TRPM5: variants seen among roughly 807,000 people sequenced by gnomAD.
TRPM5 encodes transient receptor potential cation channel subfamily M member 5, also known as MLSN1 and TRP-related.
TRPM5 carries 121 observed loss-of-function variants against 124.9 expected under a neutral mutation model. The ratio of observed to expected loss-of-function variants is 0.97; its 90% CI spans 0.84 to 1.13. The LOEUF is 1.13. TRPM5 is among the 50% of genes most tolerant of loss of function. The pLI is 0.00. For missense variants in TRPM5, 1,643 were observed against 1,589.1 expected (o/e 1.03, Z -0.58); for synonymous variants, 781 against 700.5 (o/e 1.11, Z -1.81).
chr11:2,443,090 G>T, the TRPM5 span, among the ~76,000 whole-genome samples: 2 of 152,116 alleles, frequency 1.3e-5, no homozygotes, highest in Non-Finnish European at 2.9e-5. This position sits in a 1 kb window ranked among gnomAD's most constrained non-coding sequence, Gnocchi z 5.0. Context: ...GTCATAGTTG[G>T]AAATGTTTTC....
In TRPM5 at chr11:2,411,773, G is replaced by A. The variant is rs752223337; in HGVS notation, c.2475-6C>T. The A allele has an allele frequency of 3.1e-6, 5 of 1,612,298 alleles. No individual in the cohort carries two copies. The highest frequency in any genetic ancestry group is 1.3e-5 in the African/African-American group (1 of 74,904). ...CAAACGCCGACGGCAGCATCCTGGA[G>A]GATGGGAGGCTGATGCGGCTGCGGG... On this transcript the variant is annotated splice_polypyrimidine_tract_variant and splice_region_variant and intron_variant, in intron 16 of 23. Transcript: ENST00000155858.
chr11:2,418,314 C>T (rs755384505), exon 6 of TRPM5: 6 of 1,567,420 alleles, frequency 3.8e-6, no homozygotes, highest in Non-Finnish European at 4.3e-6. Flanking sequence ...CCGAGCCTAC[C>T]AGGATCAGCC....
chr11:2,420,396 G>C (rs766044067), exon 4 of TRPM5: 1 of 1,609,160 alleles, frequency 6.2e-7, no homozygotes, highest in African/African-American at 1.3e-5. Context: ...TAGTGGACAG[G>C]AAAATCCTCC....
At chr11:2,406,549 T>C (rs1589864903) in intron 21 of TRPM5, 112 bp downstream of exon 26, 3 of 1,406,220 alleles carry the variant, frequency 2.1e-6, no homozygotes, top group Non-Finnish European at 9.7e-7. Context: ...GCCCTGCCCC[T>C]ACCCCTTCAG....
Position 2,414,046 on chromosome 11 carries a change from A to G in TRPM5, c.1890+15T>C. On this transcript the variant is annotated intron_variant, in intron 12 of 23. Transcript: ENST00000155858. Reference sequence around the variant, plus strand: ...CACCCCCTGGCAGCTCTCCTCGAGGACAGCTGGCACTCACCTGAACGCCGT... The same window carrying G: ...CACCCCCTGGCAGCTCTCCTCGAGGGCAGCTGGCACTCACCTGAACGCCGT... The G allele has an allele frequency of 5.6e-6, 5 of 886,618 alleles. No individual in the cohort carries two copies. Among genetic ancestry groups the G allele is most frequent in the Non-Finnish European group, 8.0e-6 (5 of 626,184 alleles). The allele number at this position is 886,618 out of a possible 1,614,324, so 54.9% of individuals were successfully genotyped here. A position where few individuals can be genotyped will look rare whatever the true frequency, so the allele number is the denominator to read the frequency against.
At chr11:2,425,429 T>C (rs546280204), upstream of TRPM5, among the ~76,000 whole-genome samples, 2 of 152,276 alleles carry the variant, frequency 1.3e-5, no homozygotes, top group African/African-American at 4.8e-5. Context: ...CTGCAATCAT[T>C]GATTGCCCAG....
chr11:2,441,984 C>T, the TRPM5 span, among the ~76,000 whole-genome samples: 4 of 152,140 alleles, frequency 2.6e-5, no homozygotes, highest in African/African-American at 4.8e-5. The surrounding 1 kb of genome is among the most constrained non-coding windows in gnomAD (Gnocchi z 7.2). Context: ...CCACTGCATC[C>T]GGCCTAGAAT....
chr11:2,410,848 A>G (rs775810449), intron 18 of TRPM5, among the ~76,000 whole-genome samples: 23 of 152,236 alleles, frequency 1.5e-4, no homozygotes, highest in Middle Eastern at 3.4e-3. Context: ...CCTTGCCAGC[A>G]GGACGGCGTA....
At chr11:2,420,258 C>T in exon 4 of TRPM5, 6 of 1,610,368 alleles carry the variant, frequency 3.7e-6, no homozygotes, top group Middle Eastern at 1.7e-4. Flanking sequence ...ATGTGCTTCT[C>T]CAGCCTCAGC....
At chr11:2,414,782 C>T (rs371681171) in exon 11 of TRPM5, 13 of 1,567,676 alleles carry the variant, frequency 8.3e-6, no homozygotes, top group South Asian at 3.5e-5. Context: ...TCTCCAGGTG[C>T]GACATCTCTT....
At chr11:2,407,090 C>T (rs1391292888) in intron 20 of TRPM5, 29 bp downstream of exon 25, 4 of 1,043,038 alleles carry the variant, frequency 3.8e-6, no homozygotes, top group South Asian at 2.0e-5. Flanking sequence ...CGGCCTCACC[C>T]AGGTGCTCCC....
exon 15 of TRPM5, chr11:2,412,889 G>C: frequency 6.3e-7 from 1 of 1,597,420 alleles, no homozygotes; most frequent in South Asian, 1.1e-5. Flanking sequence ...CGAAGTACAT[G>C]ACCACGTTCC....
chr11:2,404,000 A>C, downstream of TRPM5: 1 of 186,366 alleles, frequency 5.4e-6, no homozygotes, highest in East Asian at 1.5e-4. Context: ...TCACCAGCAC[A>C]TCACCCAGGT....
At chr11:2,420,319 G>A in exon 4 of TRPM5, 2 of 1,612,792 alleles carry the variant, frequency 1.2e-6, no homozygotes, top group Non-Finnish European at 1.7e-6. Context: ...GCTCCACCAG[G>A]ATGAAGTGGG....
Position 2,405,060 on chromosome 11 carries a change from C to T in TRPM5, c.3392-17G>A, listed in dbSNP as rs775250827. The T allele has an allele frequency of 6.2e-6, 10 of 1,604,886 alleles. No individual in the cohort carries two copies. Among genetic ancestry groups the T allele is most frequent in the Non-Finnish European group, 6.8e-6 (8 of 1,174,288 alleles). On this transcript the variant is annotated splice_polypyrimidine_tract_variant and intron_variant, in intron 23 of 23. Coordinates refer to ENST00000155858, the Ensembl canonical transcript of TRPM5. ...GCTGAGAGCCTGCTGGGAAGGAAGGCCCCCCTGAGCGGTGGGAACCAGCAA... is the reference window on the plus strand; with the variant it reads ...GCTGAGAGCCTGCTGGGAAGGAAGGTCCCCCTGAGCGGTGGGAACCAGCAA...
At chr11:2,406,850 G>A in intron 20 of TRPM5, 57 bp from the exon 26 acceptor site, 2 of 1,565,600 alleles carry the variant, frequency 1.3e-6, no homozygotes, top group Admixed American at 1.9e-5. Flanking sequence ...CAGTGGCAGA[G>A]CCCAGGCCTG....
chr11:2,406,794 CT>C lies in TRPM5; in HGVS notation c.3119-2del. 1 of 1,609,794 alleles carries C rather than the reference CT, an allele frequency of 6.2e-7. No homozygotes were observed. Among genetic ancestry groups the C allele is most frequent in the South Asian group, 1.1e-5 (1 of 90,672 alleles). On this transcript the variant is annotated splice_acceptor_variant, in intron 20 of 23. Transcript: ENST00000155858. LOFTEE classifies it high-confidence loss of function. Reference sequence around the variant, plus strand: ...TCCAGGGGGTCTGGCAGGTCTCTCTCTGGGAAAGCCAGGTGGCAGCCAGCAT... The same window carrying C: ...TCCAGGGGGTCTGGCAGGTCTCTCTCGGGAAAGCCAGGTGGCAGCCAGCAT...
chr11:2,413,427 A>G (rs774477687), intron 13 of TRPM5, 49 bp downstream of exon 18: 1 of 1,530,008 alleles, frequency 6.5e-7, no homozygotes, highest in African/African-American at 1.4e-5. Context: ...TAGCTCCGGC[A>G]CTCGCACTGC....
At chr11:2,441,752 C>T in the TRPM5 span, among the ~76,000 whole-genome samples, 4 of 151,960 alleles carry the variant, frequency 2.6e-5, no homozygotes, top group Middle Eastern at 3.2e-3. The surrounding 1 kb of genome is among the most constrained non-coding windows in gnomAD (Gnocchi z 7.2). Flanking sequence ...TGCAGTGGTG[C>T]GATCTCAGCT....
Sources: gnomAD v4.1 joint callset for allele counts (sites outside exome capture counted in the v4.1 genomes callset) on GRCh38, gnomAD v4.1.1 for gene constraint, Gnocchi (gnomAD v3.1) non-coding constraint, MANE v1.5 for transcripts, NCBI Gene and HGNC (gene_info 2026-07-23, HGNC 2026-07-21) for gene names.